CDH18: variants seen among roughly 807,000 people sequenced by gnomAD.
The protein encoded by CDH18 is cadherin-18.
A neutral mutation model predicts 67.9 loss-of-function variants in CDH18; 31 were observed. The observed-to-expected ratio is 0.46, with a 90% CI of 0.34 to 0.62. The LOEUF (loss-of-function observed/expected upper bound fraction) is 0.62. Among genes scored for constraint, CDH18 ranks in the 20% least tolerant of loss-of-function variants. The pLI is 0.01. For missense variants in CDH18, 890 were observed against 975.5 expected (o/e 0.91, Z 1.17); for synonymous variants, 362 against 347.2 (o/e 1.04, Z -0.48).
At chr5:20,056,655 A>C (rs1352344290) in intron 2 of CDH18, among the ~76,000 whole-genome samples, 1 of 134,264 alleles carries the variant, frequency 7.4e-6, no homozygotes, top group East Asian at 2.2e-4. Flanking sequence ...CTAAAAAGCT[A>C]TAGAGCAGTT....
At chr5:19,889,394 T>C (rs969575389) in intron 2 of CDH18, among the ~76,000 whole-genome samples, 4 of 152,110 alleles carry the variant, frequency 2.6e-5, no homozygotes, top group Non-Finnish European at 4.4e-5. Context: ...CAAACTTAAA[T>C]GACCATGTGT....
At chr5:20,078,614 T>G (rs1381191543) in intron 2 of CDH18, among the ~76,000 whole-genome samples, 1 of 152,126 alleles carries the variant, frequency 6.6e-6, no homozygotes, top group South Asian at 2.1e-4. Flanking sequence ...ATTTATTTAT[T>G]TATTGAGACA....
Position 20,370,167 on chromosome 5 carries a change from A to G in CDH18, c.-579-114662T>C, listed in dbSNP as rs114345072. Among the ~76,000 whole-genome samples the G allele has an allele frequency of 5.3e-3, 814 of 152,254 alleles. 6 individuals are homozygous for G. The highest frequency in any genetic ancestry group is 0.026 in the South Asian group (125 of 4,818). ...GATAATAGTCATCACCATCATCATT[A>G]CTATAGTCATCACCATCATTACTAT... On this transcript the variant is annotated intron_variant, in intron 1 of 14. Transcript: ENST00000507958.
At chr5:20,544,094 C>T (rs1005479730) in intron 1 of CDH18, among the ~76,000 whole-genome samples, 2 of 152,096 alleles carry the variant, frequency 1.3e-5, no homozygotes, top group Admixed American at 6.6e-5. Flanking sequence ...CTTTTCAGTA[C>T]ATAGGTGATT....
intron 2 of CDH18, among the ~76,000 whole-genome samples, chr5:19,967,180 C>T (rs1048936707): frequency 6.6e-6 from 1 of 151,354 alleles, no homozygotes; most frequent in Non-Finnish European, 1.5e-5. Context: ...GAGAGATTAA[C>T]GATATTGATG....
At chr5:19,546,828 A>T (rs1363685602) in intron 8 of CDH18, among the ~76,000 whole-genome samples, 5 of 152,208 alleles carry the variant, frequency 3.3e-5, no homozygotes, top group African/African-American at 9.6e-5. Context: ...AGTAAAAAAC[A>T]CATAAAAAGA....
At chr5:20,234,548 A>G (rs1742330056) in intron 2 of CDH18, among the ~76,000 whole-genome samples, 1 of 152,110 alleles carries the variant, frequency 6.6e-6, no homozygotes, top group Non-Finnish European at 1.5e-5. Flanking sequence ...TCTGTAAACC[A>G]GAAAGCAGGC....
At chr5:19,948,751 G>A (rs1431141494) in intron 2 of CDH18, among the ~76,000 whole-genome samples, 1 of 152,112 alleles carries the variant, frequency 6.6e-6, no homozygotes. Flanking sequence ...ATTTATGCAA[G>A]ATGTTATTGT....
chr5:20,127,671 T>G (rs935592423), intron 2 of CDH18, among the ~76,000 whole-genome samples: 1 of 152,076 alleles, frequency 6.6e-6, no homozygotes, highest in Non-Finnish European at 1.5e-5. Context: ...AAAAGTAGAA[T>G]GATGATTGCC....
chr5:19,967,095 G>A (rs1797519584), intron 2 of CDH18, among the ~76,000 whole-genome samples: 1 of 151,148 alleles, frequency 6.6e-6, no homozygotes, highest in Non-Finnish European at 1.5e-5. Flanking sequence ...AGGTTTAAAA[G>A]AAAAAAATGT....
intron 2 of CDH18, among the ~76,000 whole-genome samples, chr5:20,132,081 G>C (rs977652745): frequency 1.3e-5 from 2 of 151,980 alleles, no homozygotes; most frequent in African/African-American, 4.8e-5. Flanking sequence ...TAGAGACGGG[G>C]TTTAACCATG....
At chr5:19,544,378 C>A (rs1397885059) in intron 8 of CDH18, among the ~76,000 whole-genome samples, 3 of 151,366 alleles carry the variant, frequency 2.0e-5, no homozygotes, top group East Asian at 1.9e-4. Context: ...TGTTATTATT[C>A]AAAAAAAATT....
chr5:19,514,523 T>G (rs538185836), intron 10 of CDH18, among the ~76,000 whole-genome samples: 13 of 152,338 alleles, frequency 8.5e-5, no homozygotes, highest in African/African-American at 2.9e-4. Context: ...TCCTGACTTT[T>G]TAGTGATCGC....
At chr5:19,549,916 A>T (rs1422576693) in intron 8 of CDH18, among the ~76,000 whole-genome samples, 1 of 152,116 alleles carries the variant, frequency 6.6e-6, no homozygotes, top group East Asian at 1.9e-4. Context: ...TAAAAGCTTC[A>T]TGAAGGACAT....
chr5:19,690,302 A>C (rs991136182), intron 5 of CDH18, among the ~76,000 whole-genome samples: 1 of 151,618 alleles, frequency 6.6e-6, no homozygotes, highest in Non-Finnish European at 1.5e-5. Context: ...ATACAGCAAA[A>C]GTAGTGCTGA....
At chr5:19,784,628 T>C (rs1581337649) in intron 3 of CDH18, among the ~76,000 whole-genome samples, 2 of 152,348 alleles carry the variant, frequency 1.3e-5, no homozygotes. Flanking sequence ...TCTATAACTT[T>C]ATTAAATACT....
intron 8 of CDH18, among the ~76,000 whole-genome samples, chr5:19,553,038 C>A (rs1168046960): frequency 6.6e-6 from 1 of 152,078 alleles, no homozygotes; most frequent in Non-Finnish European, 1.5e-5. Flanking sequence ...AAAAAACAGA[C>A]AGAAAATTTA....
intron 2 of CDH18, among the ~76,000 whole-genome samples, chr5:19,851,793 G>A (rs888594303): frequency 7.9e-5 from 12 of 151,612 alleles, no homozygotes; most frequent in Middle Eastern, 3.4e-3. Context: ...CTTGAAAAGC[G>A]TATATAGTGT....
intron 2 of CDH18, among the ~76,000 whole-genome samples, chr5:20,212,324 G>C (rs1270024466): frequency 6.6e-6 from 1 of 152,068 alleles, no homozygotes; most frequent in African/African-American, 2.4e-5. Flanking sequence ...GAAAGTGATG[G>C]GGAGAATGGA....
Sources: gnomAD v4.1 joint callset for allele counts (sites outside exome capture counted in the v4.1 genomes callset) on GRCh38, gnomAD v4.1.1 for gene constraint, MANE v1.5 for transcripts, NCBI Gene and HGNC (gene_info 2026-07-23, HGNC 2026-07-21) for gene names.